The following DIAPH3 variants were observed in gnomAD, a reference collection of about 807,000 sequenced individuals.
DIAPH3 encodes protein diaphanous homolog 3.
A neutral mutation model predicts 144.3 loss-of-function variants in DIAPH3; 117 were observed. The ratio of observed to expected loss-of-function variants is 0.81; its 90% CI spans 0.70 to 0.95. DIAPH3 has a LOEUF of 0.95. Ranked by LOEUF, DIAPH3 falls within the 40% of genes least tolerant of loss-of-function variation. The pLI is 0.00. For missense variants in DIAPH3, 1,421 were observed against 1,412.7 expected, an observed-to-expected ratio of 1.01 and a Z score of -0.09; for synonymous variants, 519 against 488.9, an observed-to-expected ratio of 1.06 and a Z score of -0.81.
intron 14 of DIAPH3, 116 bp from the exon 15 acceptor site, chr13:59,974,572 T>C: frequency 1.1e-6 from 1 of 942,242 alleles, no homozygotes. Flanking sequence ...CCTGAATTGG[T>C]TTTATGAAAG....
intron 25 of DIAPH3, among the ~76,000 whole-genome samples, chr13:59,781,951 A>T (rs143325381): frequency 1.3e-3 from 195 of 152,292 alleles, no homozygotes; most frequent in African/African-American, 4.6e-3. Context: ...GACACCATAT[A>T]TGGAGCAGAC....
intron 3 of DIAPH3, among the ~76,000 whole-genome samples, chr13:60,098,617 GAATA>G (rs940050558): frequency 1.3e-5 from 2 of 151,518 alleles, no homozygotes; most frequent in African/African-American, 4.8e-5. Flanking sequence ...AAATTGAACA[GAATA>G]AATATAGAAA....
At chr13:59,838,425 T>C (rs918713448) in intron 23 of DIAPH3, 3 of 152,024 alleles carry the variant, frequency 2.0e-5, no homozygotes, top group Non-Finnish European at 4.4e-5. Flanking sequence ...TGTATGTATA[T>C]ACACACATAC....
intron 17 of DIAPH3, among the ~76,000 whole-genome samples, chr13:59,946,550 C>G (rs895348842): frequency 3.4e-4 from 51 of 152,194 alleles, no homozygotes; most frequent in African/African-American, 1.2e-3. Flanking sequence ...ATATAGACAG[C>G]TAATTTGAAG....
At chr13:59,886,769 A>G (rs1043142831) in intron 20 of DIAPH3, among the ~76,000 whole-genome samples, 1 of 152,028 alleles carries the variant, frequency 6.6e-6, no homozygotes, top group African/African-American at 2.4e-5. Flanking sequence ...CTGTTTGTAG[A>G]AAAAAATAAC....
chr13:59,815,811 G>C (rs1381619145), intron 24 of DIAPH3, among the ~76,000 whole-genome samples: 2 of 151,926 alleles, frequency 1.3e-5, no homozygotes, highest in Non-Finnish European at 2.9e-5. Flanking sequence ...ATTTCTGATA[G>C]TTTTCCTATA....
chr13:60,016,529 C>T (rs2053663815), intron 5 of DIAPH3, among the ~76,000 whole-genome samples: 1 of 152,134 alleles, frequency 6.6e-6, no homozygotes, highest in African/African-American at 2.4e-5. Flanking sequence ...TACCAGCATA[C>T]CACTAATTAC....
intron 4 of DIAPH3, among the ~76,000 whole-genome samples, chr13:60,056,911 G>C (rs1199667209): frequency 1.3e-5 from 2 of 151,822 alleles, no homozygotes; most frequent in Non-Finnish European, 2.9e-5. Context: ...AAATGCCACT[G>C]AATTGTGCAA....
chr13:59,778,327 A>G (rs1052860123), intron 25 of DIAPH3, among the ~76,000 whole-genome samples: 1 of 152,204 alleles, frequency 6.6e-6, no homozygotes, highest in African/African-American at 2.4e-5. Flanking sequence ...TCTTTCTACC[A>G]CTAAACCACG....
chr13:59,887,304 A>G lies in DIAPH3; in HGVS notation c.2368-7836T>C, dbSNP rs79235919. 3.4e-3 allele frequency among the ~76,000 whole-genome samples: 514 copies of G among 152,128 alleles called. 2 individuals are homozygous for G. The highest frequency in any genetic ancestry group is 0.012 in the African/African-American group (489 of 41,548). ...TATTAAGTTCAGCAATATTTGATGC[A>G]AAAATATTTTGTTGACAACTTTTGC... On this transcript the variant is annotated intron_variant, in intron 20 of 27. Coordinates refer to ENST00000400324, the MANE Select transcript of DIAPH3 (RefSeq NM_001042517.2).
At chr13:59,830,564 C>T (rs1256947742) in intron 24 of DIAPH3, among the ~76,000 whole-genome samples, 1 of 151,728 alleles carries the variant, frequency 6.6e-6, no homozygotes, top group Admixed American at 6.6e-5. Context: ...CTCTGTTACC[C>T]ACTTTTTGGA....
At chr13:59,816,452 CT>C (rs1328954573) in intron 24 of DIAPH3, among the ~76,000 whole-genome samples, 1 of 151,636 alleles carries the variant, frequency 6.6e-6, no homozygotes, top group East Asian at 1.9e-4. Flanking sequence ...GAAAGCTCCT[CT>C]CTTTTTACTA....
chr13:59,989,926 C>T (rs73212288), intron 12 of DIAPH3, among the ~76,000 whole-genome samples: 10,876 of 151,784 alleles, frequency 0.072, 427 homozygotes, highest in Admixed American at 0.11. Context: ...GGACTGACCA[C>T]ACACAGATCA....
Position 60,153,862 on chromosome 13 carries a change from C to T in DIAPH3, c.180+9725G>A, listed in dbSNP as rs149541003. Among the ~76,000 whole-genome samples, 340 of 151,856 alleles carry T rather than the reference C, an allele frequency of 2.2e-3. 2 individuals carry two copies. Among genetic ancestry groups the T allele is most frequent in the African/African-American group, 8.0e-3 (330 of 41,434 alleles). ...TGGAGTATCACAAGAATTTTTTTTC[C>T]TAAGTTTGAAGTTGTTTCCTTTATA... is the stretch of plus-strand genomic sequence containing the variant. On this transcript the variant is annotated intron_variant, in intron 1 of 27. Coordinates refer to ENST00000400324, the MANE Select transcript of DIAPH3 (RefSeq NM_001042517.2).
chr13:59,725,846 C>T (rs948587526), intron 27 of DIAPH3, among the ~76,000 whole-genome samples: 1 of 152,106 alleles, frequency 6.6e-6, no homozygotes. Context: ...TGCTAGAACA[C>T]GAATGCCACC....
At chr13:59,971,859 T>A (rs2050400686) in intron 15 of DIAPH3, among the ~76,000 whole-genome samples, 1 of 152,146 alleles carries the variant, frequency 6.6e-6, no homozygotes, top group South Asian at 2.1e-4. Flanking sequence ...CCTGGAACAT[T>A]CTCTTCACCT....
At chr13:59,752,634 C>T (rs1185968079) in intron 27 of DIAPH3, among the ~76,000 whole-genome samples, 1 of 152,144 alleles carries the variant, frequency 6.6e-6, no homozygotes, top group African/African-American at 2.4e-5. Flanking sequence ...TTCCAAAGTG[C>T]TGGGATTACA....
intron 27 of DIAPH3, among the ~76,000 whole-genome samples, chr13:59,703,536 A>G (rs1411698344): frequency 6.6e-6 from 1 of 152,098 alleles, no homozygotes; most frequent in African/African-American, 2.4e-5. Context: ...CTGCTATTTT[A>G]TCCAGCACTA....
At chr13:60,074,943 C>T (rs2057330570) in intron 4 of DIAPH3, among the ~76,000 whole-genome samples, 1 of 152,056 alleles carries the variant, frequency 6.6e-6, no homozygotes, top group Non-Finnish European at 1.5e-5. Context: ...CAAGAACATG[C>T]TGGTACACAG....
Sources: gnomAD v4.1 joint callset for allele counts (sites outside exome capture counted in the v4.1 genomes callset) on GRCh38, gnomAD v4.1.1 for gene constraint, MANE v1.5 for transcripts, NCBI Gene and HGNC (gene_info 2026-07-23, HGNC 2026-07-21) for gene names.